PCSK5: variants seen among roughly 807,000 people sequenced by gnomAD.
PCSK5 encodes the protein prohormone convertase 5.
In PCSK5, 129 loss-of-function variants were observed where a neutral mutation model predicts 233.2. That is an observed-to-expected ratio of 0.55 (90% CI 0.48 to 0.64). The LOEUF (loss-of-function observed/expected upper bound fraction) is 0.64, where lower values mean the gene tolerates loss of function less well. Ranked by LOEUF, PCSK5 falls within the 30% of genes least tolerant of loss-of-function variation. PCSK5 has a pLI of 0.00. For missense variants in PCSK5, 2,076 were observed against 2,430.1 expected (o/e 0.85, Z 3.06); for synonymous variants, 825 against 879.2 (o/e 0.94, Z 1.09).
chr9:76,334,877 C>A (rs2803438), intron 34 of PCSK5, among the ~76,000 whole-genome samples: 104,222 of 151,946 alleles, frequency 0.69, 36,469 homozygotes, highest in South Asian at 0.8. Flanking sequence ...CAGGAGTTCA[C>A]GACCAGCCTT....
intron 1 of PCSK5, among the ~76,000 whole-genome samples, chr9:75,897,497 T>TTA (rs1460476110): frequency 6.7e-6 from 1 of 148,968 alleles, no homozygotes; most frequent in African/African-American, 2.5e-5. Flanking sequence ...TTCTTTTTTT[T>TTA]TTTTTTTTTT....
In PCSK5 at chr9:75,891,053, C is replaced by CGCCCGGGGCTGCGAGCTGCGGAG; in HGVS notation, c.-108_-107insAGGCCCGGGGCTGCGAGCTGCGG. 1.3e-6 allele frequency: 1 copy of CGCCCGGGGCTGCGAGCTGCGGAG among 741,268 alleles called. No individual in the cohort carries two copies. The highest frequency in any genetic ancestry group is 1.9e-6 in the Non-Finnish European group (1 of 513,900). 45.9% of individuals were successfully genotyped at this position (741,268 alleles called of 1,614,324 possible). A position where few individuals can be genotyped will look rare whatever the true frequency, so the allele number is the denominator to read the frequency against. On this transcript the variant is annotated 5_prime_UTR_variant, in exon 1 of 38. Coordinates refer to ENST00000674117, the MANE Select transcript of PCSK5 (RefSeq NM_001372043.1). ...CCGGGGCTAGCCGCCTCCTGCCGAT[C>CGCCCGGGGCTGCGAGCTGCGGAG]GCCCGGGGCTGCGAGCTGCGGCGGC...
At chr9:75,952,189 G>A (rs1587410802) in intron 2 of PCSK5, among the ~76,000 whole-genome samples, 1 of 152,094 alleles carries the variant, frequency 6.6e-6, no homozygotes, top group African/African-American at 2.4e-5. Flanking sequence ...ACTTCAGCAT[G>A]CATGTCATTA....
intron 20 of PCSK5, among the ~76,000 whole-genome samples, chr9:76,211,920 C>T (rs971225164): frequency 2.6e-5 from 4 of 152,080 alleles, no homozygotes; most frequent in Non-Finnish European, 4.4e-5. Flanking sequence ...CTCCTCACTG[C>T]ACCCGCCATG....
At chr9:76,300,983 A>G (rs1252023156) in intron 27 of PCSK5, among the ~76,000 whole-genome samples, 2 of 152,198 alleles carry the variant, frequency 1.3e-5, no homozygotes, top group African/African-American at 2.4e-5. Flanking sequence ...AAAGAAAGCA[A>G]TATTTGGGGC....
intron 5 of PCSK5, among the ~76,000 whole-genome samples, chr9:76,034,501 CCCT>C (rs775074758): frequency 9.3e-4 from 142 of 152,002 alleles, no homozygotes; most frequent in Non-Finnish European, 1.5e-3. Context: ...TCTATGTATC[CCCT>C]CCTCTTCTTC....
chr9:76,291,047 C>T (rs1828261541), intron 24 of PCSK5, among the ~76,000 whole-genome samples: 1 of 152,270 alleles, frequency 6.6e-6, no homozygotes, highest in South Asian at 2.1e-4. Flanking sequence ...AGCACTGTTT[C>T]TACTGCACCA....
intron 35 of PCSK5, among the ~76,000 whole-genome samples, chr9:76,344,085 A>G (rs1257926781): frequency 2.0e-5 from 3 of 152,198 alleles, no homozygotes; most frequent in African/African-American, 7.2e-5. Flanking sequence ...TTTATTTTAC[A>G]TGTACAGCAC....
At chr9:76,286,964 G>A (rs180865591) in intron 24 of PCSK5, 32 of 228,076 alleles carry the variant, frequency 1.4e-4, no homozygotes, top group East Asian at 7.6e-4. Flanking sequence ...AAAGCACACC[G>A]CTGTCTCTGC....
chr9:76,224,341 A>C (rs1825816349), intron 20 of PCSK5, among the ~76,000 whole-genome samples: 1 of 152,218 alleles, frequency 6.6e-6, no homozygotes. Context: ...ATAGCCAGGA[A>C]GAGTGGCAGA....
chr9:76,294,201 A>G (rs1407103300), intron 25 of PCSK5, among the ~76,000 whole-genome samples: 1 of 152,046 alleles, frequency 6.6e-6, no homozygotes. Flanking sequence ...TCTCAAAAAA[A>G]AAAAAAAAAA....
intron 24 of PCSK5, among the ~76,000 whole-genome samples, chr9:76,253,028 T>G (rs1826861978): frequency 6.6e-6 from 1 of 152,200 alleles, no homozygotes; most frequent in Admixed American, 6.5e-5. Context: ...ACCAAATATA[T>G]TGCAGAATAA....
chr9:76,317,126 C>T (rs1829056086), intron 30 of PCSK5, among the ~76,000 whole-genome samples: 1 of 151,988 alleles, frequency 6.6e-6, no homozygotes, highest in Non-Finnish European at 1.5e-5. Flanking sequence ...ACTGGGAGGC[C>T]AAGGCAGGCA....
intron 20 of PCSK5, among the ~76,000 whole-genome samples, chr9:76,196,384 G>A (rs1010021879): frequency 6.6e-6 from 1 of 152,234 alleles, no homozygotes; most frequent in African/African-American, 2.4e-5. Flanking sequence ...TGGATGTCTA[G>A]AAGATGATTT....
At chr9:76,191,266 T>G (rs1824364610) in intron 20 of PCSK5, among the ~76,000 whole-genome samples, 2 of 152,152 alleles carry the variant, frequency 1.3e-5, no homozygotes, top group Admixed American at 1.3e-4. Flanking sequence ...CTGCCCTAGG[T>G]TTATTCTTTC....
intron 30 of PCSK5, among the ~76,000 whole-genome samples, chr9:76,315,665 GAC>G (rs1829003143): frequency 7.9e-6 from 1 of 127,270 alleles, no homozygotes; most frequent in African/African-American, 3.1e-5. Flanking sequence ...TTTTTTTTGA[GAC>G]AGAGTCTTGC....
At chr9:76,331,401 C>T (rs1005706401) in intron 33 of PCSK5, among the ~76,000 whole-genome samples, 45 of 151,966 alleles carry the variant, frequency 3.0e-4, no homozygotes, top group African/African-American at 1.0e-3. Flanking sequence ...GGCATGGTGG[C>T]TCACGCCTGT....
chr9:76,275,184 G>T (rs1447478789), intron 24 of PCSK5, among the ~76,000 whole-genome samples: 2 of 152,038 alleles, frequency 1.3e-5, no homozygotes, highest in Non-Finnish European at 2.9e-5. Flanking sequence ...AGGTTTGGAT[G>T]GTCAAATAGC....
Position 76,103,994 on chromosome 9 carries a change from G to A in PCSK5, c.1108-3257G>A, listed in dbSNP as rs183715002. Among the ~76,000 whole-genome samples, 23 of 152,266 alleles carry A rather than the reference G, an allele frequency of 1.5e-4. No individual in the cohort carries two copies. In the South Asian group the frequency reaches 2.3e-3, roughly 15 times the overall value. ...TGTTCCCCACCCTATGTAGTGGGCC[G>A]ACTGTTGAATGCAACTTGCCTTTAA... On this transcript the variant is annotated intron_variant, in intron 8 of 37. Coordinates refer to ENST00000674117, the MANE Select transcript of PCSK5 (RefSeq NM_001372043.1).
Sources: gnomAD v4.1 joint callset for allele counts (sites outside exome capture counted in the v4.1 genomes callset) on GRCh38, gnomAD v4.1.1 for gene constraint, MANE v1.5 for transcripts, NCBI Gene and HGNC (gene_info 2026-07-23, HGNC 2026-07-21) for gene names.